The following PTPRD variants were observed in gnomAD, a reference collection of about 807,000 sequenced individuals.
PTPRD encodes the protein receptor-type tyrosine-protein phosphatase delta.
A neutral mutation model predicts 214.5 loss-of-function variants in PTPRD; 34 were observed. The ratio of observed to expected loss-of-function variants is 0.16; its 90% confidence interval spans 0.12 to 0.21. PTPRD has a LOEUF of 0.21. Ranked by LOEUF, PTPRD falls within the 10% of genes least tolerant of loss-of-function variation. The pLI is 1.00. For synonymous variants in PTPRD, 1,128 were observed against 845.7 expected (o/e 1.33, Z -5.79); for missense variants, 2,545 against 2,398.7 (o/e 1.06, Z -1.27).
intron 11 of PTPRD, among the ~76,000 whole-genome samples, chr9:8,955,657 C>T (rs2099127627): frequency 6.6e-6 from 1 of 151,512 alleles, no homozygotes; most frequent in Non-Finnish European, 1.5e-5. Context: ...TCCATAGAAG[C>T]TTATTTTCAA....
intron 7 of PTPRD, among the ~76,000 whole-genome samples, chr9:9,732,036 G>A (rs72708474): frequency 1.1e-3 from 164 of 152,166 alleles, no homozygotes; most frequent in Admixed American, 2.1e-3. Flanking sequence ...AGGACAGGGG[G>A]AATCAAACTA....
At chr9:8,720,862 A>C (rs2154418370) in intron 12 of PTPRD, among the ~76,000 whole-genome samples, 1 of 152,156 alleles carries the variant, frequency 6.6e-6, no homozygotes, top group Non-Finnish European at 1.5e-5. Context: ...TCTGGACCTG[A>C]TGCCCACTGG....
In PTPRD at chr9:8,854,844, C is replaced by G. The variant is rs73640959; in HGVS notation, c.-103-120898G>C. 8.9e-3 allele frequency among the ~76,000 whole-genome samples: 1,362 copies of G among 152,222 alleles called. 18 individuals are homozygous for G. The highest frequency in any genetic ancestry group is 0.03 in the African/African-American group (1,266 of 41,534). Reference sequence around the variant, plus strand: ...AATTCTGCTTCATTTATCTTTTAACCCTACATTATGCAAATAACATCCTTA... The same window carrying G: ...AATTCTGCTTCATTTATCTTTTAACGCTACATTATGCAAATAACATCCTTA... On this transcript the variant is annotated intron_variant, in intron 11 of 45. Transcript: ENST00000381196.
At chr9:10,172,321 C>T (rs1272817178) in intron 3 of PTPRD, among the ~76,000 whole-genome samples, 1 of 152,098 alleles carries the variant, frequency 6.6e-6, no homozygotes, top group Non-Finnish European at 1.5e-5. Context: ...ACTAATATCA[C>T]CACCCCATAT....
intron 7 of PTPRD, among the ~76,000 whole-genome samples, chr9:9,596,496 A>G (rs1250002118): frequency 6.6e-6 from 1 of 152,010 alleles, no homozygotes; most frequent in Non-Finnish European, 1.5e-5. Context: ...TTGCTAATAC[A>G]CAGAAATATT....
rs555572772 is a variant in PTPRD, at chr9:9,631,673, C to T, written c.-286-56892G>A. ...AACATAGGGAAAGGAGCAAGTTGCC[C>T]TCTCTATATTCTAAGTGCATCTTCT... On this transcript the variant is annotated intron_variant, in intron 7 of 45. Coordinates refer to ENST00000381196, the MANE Select transcript of PTPRD (RefSeq NM_002839.4). Among the ~76,000 whole-genome samples the T allele has an allele frequency of 8.7e-4, 132 of 152,186 alleles. 1 individual carries two copies. Among genetic ancestry groups the T allele is most frequent in the African/African-American group, 3.0e-3 (124 of 41,526 alleles).
intron 9 of PTPRD, among the ~76,000 whole-genome samples, chr9:9,227,652 T>C (rs1281173805): frequency 1.3e-5 from 2 of 152,140 alleles, no homozygotes; most frequent in Non-Finnish European, 2.9e-5. Flanking sequence ...AACTTCTTTG[T>C]AGTTCTTTCC....
rs533306749 is a variant in PTPRD, at chr9:8,644,747, C to T, written c.65-7903G>A. Among the ~76,000 whole-genome samples, 6 of 152,214 alleles carry T rather than the reference C, an allele frequency of 3.9e-5. No homozygotes were observed. In the East Asian group the frequency reaches 1.2e-3, roughly 29 times the overall value. On this transcript the variant is annotated intron_variant, in intron 12 of 45. Transcript: ENST00000381196. The stretch of plus-strand genomic sequence containing the variant: ...TACTAGCACCCGGAACCGCCCACCC[C>T]GTGGCAGCGGCCAACATGTCTGACT...
chr9:9,109,970 C>T (rs1378621619), intron 10 of PTPRD, among the ~76,000 whole-genome samples: 2 of 151,934 alleles, frequency 1.3e-5, no homozygotes, highest in Non-Finnish European at 2.9e-5. Flanking sequence ...TGAGGTAGAT[C>T]TGGGGGTACT....
intron 7 of PTPRD, among the ~76,000 whole-genome samples, chr9:9,578,357 T>C (rs1450344936): frequency 3.9e-5 from 6 of 152,090 alleles, no homozygotes. Context: ...ATTTATTGGA[T>C]CTATGATGTA....
chr9:9,859,543 G>T lies in PTPRD; in HGVS notation c.-368+78964C>A, dbSNP rs537696141. On this transcript the variant is annotated intron_variant, in intron 5 of 45. Coordinates refer to ENST00000381196, the MANE Select transcript of PTPRD (RefSeq NM_002839.4). ...AAAATAAGTTTATAATAATGATTTA[G>T]ATTCCCACATAACTCCCCCCACCTT... 2.0e-5 allele frequency among the ~76,000 whole-genome samples: 3 copies of T among 152,272 alleles called. No homozygotes were observed. The East Asian group carries it at 5.8e-4, about 29-fold the overall frequency.
intron 10 of PTPRD, among the ~76,000 whole-genome samples, chr9:9,152,023 T>C (rs1325337083): frequency 1.3e-5 from 2 of 152,222 alleles, no homozygotes; most frequent in African/African-American, 4.8e-5. Flanking sequence ...GTAACACAGA[T>C]AGCAGAGACC....
At chr9:10,407,923 A>C (rs2098390682) in intron 2 of PTPRD, among the ~76,000 whole-genome samples, 1 of 151,444 alleles carries the variant, frequency 6.6e-6, no homozygotes, top group African/African-American at 2.4e-5. Flanking sequence ...AGACTTTTTC[A>C]TGGGGAAACT....
chr9:8,652,644 G>C (rs1362570169), intron 12 of PTPRD, among the ~76,000 whole-genome samples: 1 of 152,166 alleles, frequency 6.6e-6, no homozygotes. Flanking sequence ...ATAAATACTA[G>C]GGATTCCACT....
At chr9:10,370,657 G>A (rs1454312400) in intron 2 of PTPRD, among the ~76,000 whole-genome samples, 1 of 151,964 alleles carries the variant, frequency 6.6e-6, no homozygotes, top group African/African-American at 2.4e-5. Context: ...AATATATTTA[G>A]AAATCTTCAA....
chr9:10,483,502 GA>G lies in PTPRD; in HGVS notation c.-600+128895del, dbSNP rs998059764. Among the ~76,000 whole-genome samples, 431 of 148,678 alleles carry G rather than the reference GA, an allele frequency of 2.9e-3. 3 individuals carry two copies. The highest frequency in any genetic ancestry group is 0.01 in the African/African-American group (409 of 40,644). ...AGGGTAAAGAGAGAATCTACAGAAT[GA>G]AAAAAAAAATTGTCAACTCTGCACC... On this transcript the variant is annotated intron_variant, in intron 2 of 45. Transcript: ENST00000381196.
At chr9:8,774,902 A>G (rs1316329428) in intron 11 of PTPRD, among the ~76,000 whole-genome samples, 1 of 152,174 alleles carries the variant, frequency 6.6e-6, no homozygotes, top group Non-Finnish European at 1.5e-5. Context: ...GATTACGAAG[A>G]TACTTCATTA....
intron 13 of PTPRD, among the ~76,000 whole-genome samples, chr9:8,634,592 C>A (rs2096368727): frequency 1.3e-5 from 2 of 151,978 alleles, no homozygotes; most frequent in African/African-American, 4.8e-5. Context: ...CAATGCACTA[C>A]AGTTTATTTT....
chr9:9,333,252 G>A (rs2043011227), intron 9 of PTPRD, among the ~76,000 whole-genome samples: 1 of 151,536 alleles, frequency 6.6e-6, no homozygotes, highest in East Asian at 1.9e-4. Context: ...ATAGAATAAG[G>A]GCTTGAAATG....
Sources: allele counts gnomAD v4.1 joint callset (sites outside exome capture counted in the v4.1 genomes callset), GRCh38; gene constraint gnomAD v4.1.1; transcripts MANE v1.5; gene names NCBI Gene and HGNC (gene_info 2026-07-23, HGNC 2026-07-21).